Variants in DEPDC4 observed in about 807,000 individuals in gnomAD.
DEPDC4 encodes the protein DEP domain-containing protein 4.
A neutral mutation model predicts 52.0 loss-of-function variants in DEPDC4; 52 were observed. The observed-to-expected ratio is 1.00, with a 90% CI of 0.80 to 1.26. DEPDC4 has a LOEUF of 1.26. Among genes scored for constraint, DEPDC4 ranks in the 50% most tolerant of loss-of-function variants. The probability of loss-of-function intolerance (pLI) is 0.00; values close to 1 mark genes in which losing one functional copy is unlikely to be tolerated. For missense variants in DEPDC4, 530 were observed against 546.9 expected (o/e 0.97, Z 0.31); for synonymous variants, 201 against 196.8 (o/e 1.02, Z -0.18).
intron 3 of DEPDC4, among the ~76,000 whole-genome samples, chr12:100,259,370 G>A (rs764425055): frequency 1.3e-5 from 2 of 152,168 alleles, no homozygotes; most frequent in Non-Finnish European, 2.9e-5. Flanking sequence ...GAGCATGCCA[G>A]CAGGTGATTT....
At chr12:100,266,096 A>T (rs997752430) in intron 1 of DEPDC4, among the ~76,000 whole-genome samples, 85 of 152,244 alleles carry the variant, frequency 5.6e-4, no homozygotes, top group Non-Finnish European at 8.5e-4. Flanking sequence ...AAAATTAATT[A>T]AAAAAATTAA....
At position 100,266,987 on chromosome 12, in the gene DEPDC4, C is replaced by G; in HGVS notation, c.90G>C (p.Pro30=). Residue 30 remains proline, a synonymous_variant, in exon 1 of 10, where the codon CCG becomes CCC. Transcript: ENST00000550587. The part of the protein sequence containing the change: ...FRRLVSQNEL[P]GPGLNGPSSR... ...AACTTGGCCCGTTCAGCCCTGGGCC[C>G]GGAAGCTCGTTCTGACTGACAAGTC... The G allele has an allele frequency of 2.5e-6, 4 of 1,614,112 alleles. No individual in the cohort carries two copies. The highest frequency in any genetic ancestry group is 3.4e-6 in the Non-Finnish European group (4 of 1,179,994).
chr12:100,268,485 C>T (rs1299198515), upstream of DEPDC4, among the ~76,000 whole-genome samples: 1 of 152,076 alleles, frequency 6.6e-6, no homozygotes, highest in East Asian at 1.9e-4. Context: ...ATATAAATTA[C>T]TTCTTGAGGC....
At chr12:100,265,560 A>G (rs1305225181) in intron 1 of DEPDC4, among the ~76,000 whole-genome samples, 1 of 152,116 alleles carries the variant, frequency 6.6e-6, no homozygotes, top group Non-Finnish European at 1.5e-5. Flanking sequence ...ACGCCATTGC[A>G]CTCCAGCCTG....
chr12:100,244,134 T>C (rs184522188), intron 8 of DEPDC4, among the ~76,000 whole-genome samples: 11,509 of 121,654 alleles, frequency 0.095, 1,504 homozygotes, highest in East Asian at 0.29. Context: ...TATATATATA[T>C]ACACAAAATA....
At chr12:100,237,809 G>A (rs375666485), downstream of DEPDC4, 7 of 152,086 alleles carry the variant, frequency 4.6e-5, no homozygotes, top group Admixed American at 3.9e-4. Flanking sequence ...CTGTGCATGT[G>A]TATTTTTATT....
At chr12:100,247,466 A>G (rs1237517690) in intron 8 of DEPDC4, among the ~76,000 whole-genome samples, 1 of 152,138 alleles carries the variant, frequency 6.6e-6, no homozygotes, top group Non-Finnish European at 1.5e-5. Flanking sequence ...TTGGCCTCTC[A>G]AAGTGCTGGG....
At chr12:100,271,245 C>T (rs1185715405), upstream of DEPDC4, among the ~76,000 whole-genome samples, 1 of 130,206 alleles carries the variant, frequency 7.7e-6, no homozygotes, top group Non-Finnish European at 1.6e-5. Context: ...GTTAGCCCTG[C>T]TCCTTGCAGA....
upstream of DEPDC4, among the ~76,000 whole-genome samples, chr12:100,268,021 C>A (rs1402965542): frequency 6.6e-6 from 1 of 152,088 alleles, no homozygotes; most frequent in African/African-American, 2.4e-5. Context: ...GGGTTTAGAC[C>A]GATAAAGCTT....
At chr12:100,256,028 A>AC (rs2096231034) in intron 4 of DEPDC4, 21 bp downstream of exon 4, 3 of 1,553,028 alleles carry the variant, frequency 1.9e-6, no homozygotes. Flanking sequence ...AAATTATTTG[A>AC]CAATAAAAAT....
upstream of DEPDC4, chr12:100,267,123 G>T (rs1460090419): frequency 4.4e-6 from 7 of 1,587,622 alleles, no homozygotes; most frequent in Admixed American, 7.1e-5. Flanking sequence ...TACTGGCTCC[G>T]CCTCTTCCGA....
intron 9 of DEPDC4, among the ~76,000 whole-genome samples, chr12:100,231,872 G>A (rs2096135307): frequency 6.6e-6 from 1 of 151,874 alleles, no homozygotes; most frequent in South Asian, 2.1e-4. Context: ...TTGAACCTGA[G>A]AGGCAGAGGT....
intron 2 of DEPDC4, 136 bp from the exon 3 acceptor site, chr12:100,262,545 G>A (rs2096257420): frequency 6.8e-6 from 4 of 588,874 alleles, no homozygotes; most frequent in Non-Finnish European, 1.0e-5. Context: ...TATAATAAAA[G>A]ATGCAAATAA....
chr12:100,248,897 T>C lies in DEPDC4; in HGVS notation c.1453+3A>G, dbSNP rs543081986. On this transcript the variant is annotated splice_donor_region_variant and intron_variant, in intron 8 of 9. Coordinates refer to ENST00000550587, the MANE Select transcript of DEPDC4 (RefSeq NM_001364818.2). ...TAAAGGAGGAACAAGCTGGAATCCA[T>C]ACCTGATATGGCATCTGCATCTTCT... The C allele has an allele frequency of 3.0e-6, 3 of 984,534 alleles. No homozygotes were observed. The highest frequency in any genetic ancestry group is 2.3e-4 in the East Asian group (2 of 8,808). The allele number at this position is 984,534 out of a possible 1,614,324, so 61.0% of individuals were successfully genotyped here.
At chr12:100,269,852 T>TA (rs2096285492), upstream of DEPDC4, among the ~76,000 whole-genome samples, 1 of 152,240 alleles carries the variant, frequency 6.6e-6, no homozygotes, top group South Asian at 2.1e-4. Flanking sequence ...AGGTTTGAGA[T>TA]ACTACCTAGG....
At chr12:100,239,888 C>T (rs1218312840), downstream of DEPDC4, among the ~76,000 whole-genome samples, 1 of 152,038 alleles carries the variant, frequency 6.6e-6, no homozygotes, top group Non-Finnish European at 1.5e-5. Flanking sequence ...CAAAAACAAA[C>T]AAACAAACTA....
chr12:100,243,392 T>C (rs2096168501), intron 8 of DEPDC4, among the ~76,000 whole-genome samples: 3 of 152,198 alleles, frequency 2.0e-5, no homozygotes, highest in African/African-American at 4.8e-5. Flanking sequence ...CTTCTTCTCA[T>C]GTCATCCATT....
At chr12:100,271,564 G>A (rs1350781563), upstream of DEPDC4, among the ~76,000 whole-genome samples, 2 of 152,090 alleles carry the variant, frequency 1.3e-5, no homozygotes, top group African/African-American at 4.8e-5. Flanking sequence ...AAACTATTTT[G>A]AGTTTCTTTG....
downstream of DEPDC4, among the ~76,000 whole-genome samples, chr12:100,237,627 G>A (rs2096143488): frequency 6.6e-6 from 1 of 152,088 alleles, no homozygotes; most frequent in African/African-American, 2.4e-5. Flanking sequence ...TCTCCCTCAC[G>A]AACCCACTAT....
Sources: allele counts gnomAD v4.1 joint callset (sites outside exome capture counted in the v4.1 genomes callset), GRCh38; gene constraint gnomAD v4.1.1; transcripts MANE v1.5; gene names NCBI Gene and HGNC (gene_info 2026-07-23, HGNC 2026-07-21).